Variants in SCHIP1 observed in about 807,000 individuals in gnomAD.
SCHIP1 encodes schwannomin interacting protein 1, also known as schwannomin-interacting protein 1.
In SCHIP1, 8 loss-of-function variants were observed where a neutral mutation model predicts 29.7. The observed-to-expected ratio is 0.27, with a 90% CI of 0.16 to 0.49. SCHIP1 has a LOEUF of 0.49. SCHIP1 is among the 20% of genes least tolerant of loss of function. The pLI, the probability that SCHIP1 is intolerant of heterozygous loss-of-function variation, is 0.99. For missense variants in SCHIP1, 193 were observed against 294.6 expected (o/e 0.66, Z 2.52); for synonymous variants, 76 against 94.9 (o/e 0.80, Z 1.16).
At chr3:159,334,656 C>T in the SCHIP1 span, among the ~76,000 whole-genome samples, 1 of 152,100 alleles carries the variant, frequency 6.6e-6, no homozygotes, top group African/African-American at 2.4e-5. Context: ...CTTTTAGAGA[C>T]TGGCTTGTTT....
the SCHIP1 span, among the ~76,000 whole-genome samples, chr3:159,424,540 G>A: frequency 6.6e-6 from 1 of 152,232 alleles, no homozygotes; most frequent in South Asian, 2.1e-4. Context: ...ATGGGACTAT[G>A]TGAAAAGACC....
chr3:159,381,815 C>T, the SCHIP1 span, among the ~76,000 whole-genome samples: 4 of 152,124 alleles, frequency 2.6e-5, no homozygotes, highest in South Asian at 6.2e-4. Flanking sequence ...AGGCTGGTCT[C>T]GAACTCTTGG....
the SCHIP1 span, among the ~76,000 whole-genome samples, chr3:159,526,285 C>T: frequency 6.6e-6 from 1 of 152,292 alleles, no homozygotes; most frequent in South Asian, 2.1e-4. Context: ...CATCCCACCT[C>T]AGCCTCACAA....
the SCHIP1 span, among the ~76,000 whole-genome samples, chr3:159,579,333 T>C: frequency 1.3e-5 from 2 of 152,140 alleles, no homozygotes; most frequent in Non-Finnish European, 2.9e-5. Flanking sequence ...GATTAATGAA[T>C]ATAAAGGATA....
chr3:159,668,376 C>CAAAGAAAAAAAAAAA, the SCHIP1 span, among the ~76,000 whole-genome samples: 2 of 46,412 alleles, frequency 4.3e-5, no homozygotes, highest in African/African-American at 1.9e-4. Context: ...GACTCCGTCT[C>CAAAGAAAAAAAAAAA]AAAAAAAAAA....
At chr3:159,767,080 G>T in the SCHIP1 span, among the ~76,000 whole-genome samples, 2 of 152,124 alleles carry the variant, frequency 1.3e-5, no homozygotes, top group Non-Finnish European at 2.9e-5. Flanking sequence ...TTGTGTCAAA[G>T]CAAGGATGTA....
chr3:159,617,063 T>C, the SCHIP1 span, among the ~76,000 whole-genome samples: 1 of 152,200 alleles, frequency 6.6e-6, no homozygotes, highest in Non-Finnish European at 1.5e-5. Flanking sequence ...AGTTAGAGCA[T>C]TGATGCTTTT....
the SCHIP1 span, among the ~76,000 whole-genome samples, chr3:159,553,603 T>C: frequency 6.6e-6 from 1 of 152,184 alleles, no homozygotes; most frequent in Non-Finnish European, 1.5e-5. Flanking sequence ...GTAATAGTAA[T>C]TTTATATATA....
At chr3:159,529,540 C>A in the SCHIP1 span, among the ~76,000 whole-genome samples, 1 of 152,138 alleles carries the variant, frequency 6.6e-6, no homozygotes, top group Non-Finnish European at 1.5e-5. Context: ...TGCAAGCATA[C>A]AATGTGTAAT....
chr3:159,802,685 T>A, the SCHIP1 span, among the ~76,000 whole-genome samples: 1 of 152,184 alleles, frequency 6.6e-6, no homozygotes, highest in Non-Finnish European at 1.5e-5. Context: ...CATTTGTAAG[T>A]GGCTTGTCGT....
chr3:159,309,939 C>A, the SCHIP1 span, among the ~76,000 whole-genome samples: 8 of 152,074 alleles, frequency 5.3e-5, no homozygotes, highest in Non-Finnish European at 1.0e-4. Context: ...AAATTATTTT[C>A]ATTCTTTAGG....
chr3:159,546,578 C>T, the SCHIP1 span, among the ~76,000 whole-genome samples: 1 of 152,122 alleles, frequency 6.6e-6, no homozygotes, highest in African/African-American at 2.4e-5. Flanking sequence ...CTCTCCCCAC[C>T]TACCTGCTGA....
the SCHIP1 span, among the ~76,000 whole-genome samples, chr3:159,534,686 CCTAA>C: frequency 1.3e-5 from 2 of 152,044 alleles, no homozygotes; most frequent in African/African-American, 4.8e-5. Flanking sequence ...AACAGTCACA[CCTAA>C]CTGTGGTCAC....
chr3:159,393,600 G>C, the SCHIP1 span, among the ~76,000 whole-genome samples: 1 of 149,562 alleles, frequency 6.7e-6, no homozygotes, highest in African/African-American at 2.4e-5. Flanking sequence ...TTTTTCTCAG[G>C]TTTGTCAAAG....
chr3:159,359,090 G>A, the SCHIP1 span, among the ~76,000 whole-genome samples: 18 of 151,774 alleles, frequency 1.2e-4, no homozygotes, highest in East Asian at 3.5e-3. Flanking sequence ...ACCATGCCCA[G>A]CTAATTTTTT....
the SCHIP1 span, among the ~76,000 whole-genome samples, chr3:159,508,971 A>G: frequency 6.6e-6 from 1 of 152,210 alleles, no homozygotes; most frequent in Non-Finnish European, 1.5e-5. Context: ...AGTTCTGTAG[A>G]TGTCTGTTAG....
At chr3:159,889,626 C>A (rs967536067) in intron 5 of SCHIP1, among the ~76,000 whole-genome samples, 1 of 152,078 alleles carries the variant, frequency 6.6e-6, no homozygotes, top group African/African-American at 2.4e-5. Flanking sequence ...TATAATTATA[C>A]GGTATTACAG....
the SCHIP1 span, among the ~76,000 whole-genome samples, chr3:159,687,463 G>T: frequency 3.0e-4 from 46 of 152,164 alleles, no homozygotes; most frequent in East Asian, 8.7e-3. Flanking sequence ...AGACCTGCAG[G>T]CTTTGTTTTG....
intron 2 of SCHIP1, among the ~76,000 whole-genome samples, chr3:159,876,209 C>A (rs1715786237): frequency 6.6e-6 from 1 of 152,156 alleles, no homozygotes; most frequent in African/African-American, 2.4e-5. Flanking sequence ...TTTGTTCTTC[C>A]ACCATCGATC....
Sources: gnomAD v4.1 joint callset for allele counts (sites outside exome capture counted in the v4.1 genomes callset) on GRCh38, gnomAD v4.1.1 for gene constraint, MANE v1.5 for transcripts, NCBI Gene and HGNC (gene_info 2026-07-23, HGNC 2026-07-21) for gene names.